Variants in EXT1 observed in about 807,000 individuals in gnomAD.
EXT1 encodes the protein exostosin glycosyltransferase 1.
In EXT1, 20 loss-of-function variants were observed where a neutral mutation model predicts 82.5. That is an observed-to-expected ratio of 0.24 (90% confidence interval 0.17 to 0.35). The LOEUF (loss-of-function observed/expected upper bound fraction) is 0.35. EXT1 is among the 10% of genes least tolerant of loss of function. The pLI is 1.00. For missense variants in EXT1, 757 were observed against 936.5 expected, an observed-to-expected ratio of 0.81 and a Z score of 2.50; for synonymous variants, 348 against 350.8, an observed-to-expected ratio of 0.99 and a Z score of 0.09.
At chr8:117,882,908 CAG>C (rs975316770) in intron 1 of EXT1, among the ~76,000 whole-genome samples, 25 of 146,830 alleles carry the variant, frequency 1.7e-4, no homozygotes, top group African/African-American at 5.8e-4. Flanking sequence ...ACTGGGGAGA[CAG>C]AGATTGCAGC....
chr8:117,815,540 T>C (rs544782450), intron 7 of EXT1, among the ~76,000 whole-genome samples: 1 of 152,296 alleles, frequency 6.6e-6, no homozygotes, highest in South Asian at 2.1e-4. Flanking sequence ...GAGAAACCAA[T>C]GTATTTACAA....
rs1209300991 is a variant in EXT1 at position 117,989,074 on chromosome 8, A to AAC, written c.962+121010_962+121011insGT. On this transcript the variant is annotated intron_variant, in intron 1 of 10. Coordinates refer to ENST00000378204, the MANE Select transcript of EXT1 (RefSeq NM_000127.3). ...GACCCCTCCTCTCAAAAAAAAAAAA[A>AAC]AAAAAACTATTTTATTTTAACCACA... Among the ~76,000 whole-genome samples the AAC allele has an allele frequency of 3.3e-3, 499 of 151,970 alleles. 4 individuals carry two copies. The highest frequency in any genetic ancestry group is 0.023 in the East Asian group (120 of 5,184).
At chr8:117,984,450 A>AAAAC (rs1815272942) in intron 1 of EXT1, among the ~76,000 whole-genome samples, 3 of 71,224 alleles carry the variant, frequency 4.2e-5, no homozygotes, top group South Asian at 9.7e-4. Context: ...AAAACAAAAC[A>AAAAC]AAAAAAAAAA....
intron 1 of EXT1, among the ~76,000 whole-genome samples, chr8:117,891,323 T>G (rs1813236685): frequency 2.0e-5 from 3 of 152,198 alleles, no homozygotes; most frequent in African/African-American, 7.2e-5. Flanking sequence ...TTAACTGCTC[T>G]AAAACACATG....
chr8:117,873,353 C>T, intron 1 of EXT1, among the ~76,000 whole-genome samples: 1 of 151,486 alleles, frequency 6.6e-6, no homozygotes, highest in East Asian at 1.9e-4. Flanking sequence ...AAACTTCTTT[C>T]TGACAACGAA....
At chr8:117,990,894 C>A (rs973444370) in intron 1 of EXT1, among the ~76,000 whole-genome samples, 6 of 152,188 alleles carry the variant, frequency 3.9e-5, no homozygotes, top group African/African-American at 1.4e-4. Context: ...CAGGTGATGA[C>A]AGAACTAATA....
At chr8:117,925,085 C>T (rs1011849929) in intron 1 of EXT1, among the ~76,000 whole-genome samples, 7 of 152,118 alleles carry the variant, frequency 4.6e-5, no homozygotes, top group Admixed American at 6.5e-5. Flanking sequence ...AAAGAAACCA[C>T]GATAATGCTA....
At chr8:117,805,403 T>C (rs1823222841) in intron 9 of EXT1, among the ~76,000 whole-genome samples, 2 of 152,250 alleles carry the variant, frequency 1.3e-5, no homozygotes, top group Admixed American at 1.3e-4. Context: ...TTGTGCCCTA[T>C]AAACCATATA....
intron 1 of EXT1, among the ~76,000 whole-genome samples, chr8:118,012,087 C>T (rs1815911331): frequency 6.6e-6 from 1 of 152,194 alleles, no homozygotes; most frequent in African/African-American, 2.4e-5. Context: ...CCACCACGGA[C>T]GTGTCTCCTT....
In EXT1 at chr8:118,052,971, A is replaced by G. The variant is rs555208812; in HGVS notation, c.962+57114T>C. Among the ~76,000 whole-genome samples the G allele has an allele frequency of 7.6e-4, 115 of 152,294 alleles. 1 individual carries two copies. The highest frequency in any genetic ancestry group is 3.9e-3 in the Admixed American group (60 of 15,304). On this transcript the variant is annotated intron_variant, in intron 1 of 10. Transcript: ENST00000378204. The stretch of plus-strand genomic sequence containing the variant: ...GGATCCTTGTTTGAATTGGGGACAC[A>G]ATGCAGCCGGCTGCCACTCATGACC...
intron 1 of EXT1, among the ~76,000 whole-genome samples, chr8:118,037,750 T>C (rs1418249495): frequency 6.6e-6 from 1 of 152,164 alleles, no homozygotes; most frequent in Admixed American, 6.5e-5. Context: ...CTAAATATTT[T>C]GGGTGAGTTA....
intron 1 of EXT1, among the ~76,000 whole-genome samples, chr8:117,867,113 G>T (rs778041225): frequency 6.6e-6 from 1 of 151,990 alleles, no homozygotes; most frequent in East Asian, 1.9e-4. Context: ...ACAAAAATTC[G>T]CTGGACATGA....
At chr8:117,821,301 G>C (rs1015784642) in intron 5 of EXT1, among the ~76,000 whole-genome samples, 5 of 152,188 alleles carry the variant, frequency 3.3e-5, no homozygotes, top group Admixed American at 1.3e-4. Flanking sequence ...GTTTTGCCGA[G>C]TAAGAAGAAT....
intron 1 of EXT1, among the ~76,000 whole-genome samples, chr8:118,033,149 T>C (rs911068733): frequency 6.6e-6 from 1 of 152,228 alleles, no homozygotes; most frequent in Non-Finnish European, 1.5e-5. Context: ...TTGTAAAGCC[T>C]GTATGGCTGT....
At chr8:117,832,708 C>G (rs1398336601) in intron 3 of EXT1, among the ~76,000 whole-genome samples, 6 of 152,144 alleles carry the variant, frequency 3.9e-5, no homozygotes, top group African/African-American at 1.4e-4. Context: ...GCAATGTATT[C>G]TACCGGCTTG....
chr8:117,896,459 A>T (rs1813338172), intron 1 of EXT1, among the ~76,000 whole-genome samples: 1 of 152,226 alleles, frequency 6.6e-6, no homozygotes, highest in South Asian at 2.1e-4. Flanking sequence ...TATATGGAGC[A>T]AAAGGAGGAA....
At chr8:117,900,769 G>A (rs1813431909) in intron 1 of EXT1, among the ~76,000 whole-genome samples, 1 of 152,176 alleles carries the variant, frequency 6.6e-6, no homozygotes, top group Non-Finnish European at 1.5e-5. Context: ...TTCAGCAATA[G>A]GAAATTTGAT....
At chr8:117,803,805 T>C (rs1035902169) in intron 10 of EXT1, among the ~76,000 whole-genome samples, 13 of 152,240 alleles carry the variant, frequency 8.5e-5, no homozygotes, top group African/African-American at 2.9e-4. Context: ...TACTTCACTT[T>C]TATAAAAGCT....
At chr8:117,800,410 C>A (rs989412073) in intron 10 of EXT1, among the ~76,000 whole-genome samples, 7 of 152,148 alleles carry the variant, frequency 4.6e-5, no homozygotes, top group African/African-American at 1.7e-4. Context: ...CCTACTAAAT[C>A]CTTTGTTAAA....
Sources: gnomAD v4.1 joint callset for allele counts (sites outside exome capture counted in the v4.1 genomes callset) on GRCh38, gnomAD v4.1.1 for gene constraint, MANE v1.5 for transcripts, NCBI Gene and HGNC (gene_info 2026-07-23, HGNC 2026-07-21) for gene names.